DDX51: variants seen among roughly 807,000 people sequenced by gnomAD.
The protein encoded by DDX51 is DEAD-box helicase 51.
DDX51 carries 67 observed loss-of-function variants against 74.6 expected under a neutral mutation model. The ratio of observed to expected loss-of-function variants is 0.90; its 90% CI spans 0.74 to 1.10. DDX51 has a LOEUF of 1.10. Ranked by LOEUF, DDX51 falls within the 50% of genes least tolerant of loss-of-function variation. DDX51 has a pLI of 0.00. For missense variants in DDX51, 1,056 were observed against 905.2 expected (o/e 1.17, Z -2.14); for synonymous variants, 545 against 402.9 (o/e 1.35, Z -4.22).
rs766863211 is a variant in DDX51 at position 132,142,759 on chromosome 12, C to G, written c.639G>C (p.Leu213=). 1 of 1,612,992 alleles carries G rather than the reference C, an allele frequency of 6.2e-7. No individual in the cohort carries two copies. The highest frequency in any genetic ancestry group is 8.5e-7 in the Non-Finnish European group (1 of 1,179,998). The change falls in exon 3 of 15, where the codon CTG becomes CTC. Residue 213 remains leucine, a synonymous_variant. Transcript: ENST00000397333. ...PDVHPDLQKQ[L]RAHGISSYFP... Reference sequence around the variant, plus strand: ...AGTAGGACGAGATGCCGTGTGCCCGCAGCTGCTTCTGCAGGTCAGGATGGA... The same window carrying G: ...AGTAGGACGAGATGCCGTGTGCCCGGAGCTGCTTCTGCAGGTCAGGATGGA...
intron 14 of DDX51, 54 bp downstream of exon 14, chr12:132,139,581 C>G (rs1804635989): frequency 1.2e-6 from 2 of 1,612,890 alleles, no homozygotes; most frequent in South Asian, 2.2e-5. Flanking sequence ...TGACGACGCC[C>G]TCTCTGCAAA....
intron 2 of DDX51, chr12:132,143,439 G>A: frequency 1.7e-6 from 1 of 573,392 alleles, no homozygotes; most frequent in Non-Finnish European, 3.0e-6. Context: ...AGGAAACCCC[G>A]CACGTTCACG....
At chr12:132,140,043 G>C in intron 12 of DDX51, 55 bp downstream of exon 12, 1 of 1,605,214 alleles carries the variant, frequency 6.2e-7, no homozygotes. Flanking sequence ...CCACATCAAC[G>C]CCCAGGAGCT....
rs763467076 is a variant in DDX51, at chr12:132,141,321, A to T, written c.1204T>A (p.Cys402Ser). ...AFQSEDPADP[C>S]ALLQRRQAQA... ...GCCTGCCTTCGCTGGAGCAGGGCACAGGGGTCCGCGGGGTCCTCGCTCTGG... is the reference window on the plus strand; with the variant it reads ...GCCTGCCTTCGCTGGAGCAGGGCACTGGGGTCCGCGGGGTCCTCGCTCTGG... Residue 402 changes from cysteine (C) to serine (S), a missense_variant, in exon 8 of 15, where the codon TGT becomes AGT. Physicochemically the swap from Cys to Ser is moderately radical, Grantham distance 112. Transcript: ENST00000397333. The T allele has an allele frequency of 5.0e-6, 8 of 1,598,806 alleles. No homozygotes were observed. In the South Asian group the frequency reaches 8.8e-5, roughly 18 times the overall value.
rs956918794 is a variant in DDX51, at chr12:132,142,587, A to C, written c.670+141T>G. ...AGGAACGCCAGCCTCAGGAGACCCA[A>C]GTGGGAACCATGAGCTTGAGAGTGC... On this transcript the variant is annotated intron_variant, in intron 3 of 14. Coordinates refer to ENST00000397333, the MANE Select transcript of DDX51 (RefSeq NM_175066.4). The C allele has an allele frequency of 2.2e-5, 32 of 1,470,506 alleles. 1 individual carries two copies. The highest frequency in any genetic ancestry group is 4.9e-4 in the Middle Eastern group (2 of 4,074). The allele number at this position is 1,470,506 out of a possible 1,614,324, so 91.1% of individuals were successfully genotyped here.
At chr12:132,139,520 C>T in intron 14 of DDX51, 115 bp downstream of exon 14, 1 of 1,594,752 alleles carries the variant, frequency 6.3e-7, no homozygotes, top group East Asian at 2.2e-5. Context: ...CCTGTGTGAC[C>T]CTCTGTTGCC....
intron 2 of DDX51, 49 bp from the exon 3 acceptor site, chr12:132,142,927 G>T (rs1043914793): frequency 6.2e-7 from 1 of 1,607,560 alleles, no homozygotes; most frequent in Non-Finnish European, 8.5e-7. Context: ...CCAGGCTCTC[G>T]CGCAGAAGCC....
In DDX51 at chr12:132,140,739, C is replaced by T; in HGVS notation, c.1441-4G>A. 1 of 1,613,092 alleles carries T rather than the reference C, an allele frequency of 6.2e-7. No homozygotes were observed. The highest frequency in any genetic ancestry group is 1.1e-5 in the South Asian group (1 of 91,084). On this transcript the variant is annotated splice_region_variant and splice_polypyrimidine_tract_variant and intron_variant, in intron 9 of 14. Transcript: ENST00000397333. ...GGCTGCAGGGCACGTAGTGGTGCTA[C>T]AGGGACGGCAGGGGGTCGGGGTGGA...
rs559632831 is a variant in DDX51, at chr12:132,139,836, A to G, written c.1839+25T>C. ...CCCTTAACACCCACCAACAGCAGAA[A>G]CTCCCAAGACCCTCGCAGCCTCACC... On this transcript the variant is annotated intron_variant, in intron 13 of 14. Transcript: ENST00000397333. 7 of 1,612,736 alleles carry G rather than the reference A, an allele frequency of 4.3e-6. No individual in the cohort carries two copies. The Admixed American group carries it at 1.2e-4, about 27-fold the overall frequency.
At chr12:132,142,990 G>A (rs1056700168) in intron 2 of DDX51, 112 bp from the exon 3 acceptor site, 2 of 1,436,518 alleles carry the variant, frequency 1.4e-6, no homozygotes, top group African/African-American at 1.4e-5. Flanking sequence ...GTCGTCTTCA[G>A]CTCCTTCTCA....
In DDX51 at chr12:132,137,091, C is replaced by G. The variant is rs2136670598; in HGVS notation, c.*2181G>C. The G allele has an allele frequency of 6.6e-6, 1 of 152,360 alleles. No homozygotes were observed. The highest frequency in any genetic ancestry group is 2.4e-5 in the African/African-American group (1 of 41,574). The allele number at this position is 152,360 out of a possible 1,614,324, so 9.4% of individuals were successfully genotyped here. A position where few individuals can be genotyped will look rare whatever the true frequency, so the allele number is the denominator to read the frequency against. On this transcript the variant is annotated 3_prime_UTR_variant, in exon 15 of 15. Transcript: ENST00000397333. ...ATAGAGAGTTTCTGTCAGACTCAGT[C>G]TGTGCTGCTCTGTGACACTTTTCTG...
intron 13 of DDX51, 31 bp downstream of exon 13, chr12:132,139,830 G>A (rs752750950): frequency 6.8e-6 from 11 of 1,612,842 alleles, no homozygotes; most frequent in Non-Finnish European, 6.8e-6. Flanking sequence ...CCCACCAACA[G>A]CAGAAACTCC....
intron 3 of DDX51, 114 bp downstream of exon 3, chr12:132,142,614 G>A: frequency 6.6e-7 from 1 of 1,508,622 alleles, no homozygotes. Flanking sequence ...TGAGAGTGCT[G>A]AGACCACACT....
In DDX51 at chr12:132,140,196, G is replaced by C. The variant is rs770881420; in HGVS notation, c.1677C>G (p.Leu559=). The C allele has an allele frequency of 6.2e-7, 1 of 1,611,894 alleles. No homozygotes were observed. The highest frequency in any genetic ancestry group is 1.1e-5 in the South Asian group (1 of 91,012). The change falls in exon 12 of 15, where the codon CTC becomes CTG. Residue 559 remains leucine, a synonymous_variant. Coordinates refer to ENST00000397333, the MANE Select transcript of DDX51 (RefSeq NM_175066.4). ...CTCGCGCGGTGGCGTCCGTGCTGAT[G>C]AGCCTGCCGGGACACGCAGCATTGT... ...KQFEQGKIQL[L]ISTDATARGI...
Position 132,141,486 on chromosome 12 carries a change from G to C in DDX51, c.1104+12C>G, listed in dbSNP as rs757166518. On this transcript the variant is annotated intron_variant, in intron 7 of 14. Transcript: ENST00000397333. ...TGAGCTCAAAGCCCAGGCCCCTGGG[G>C]CGGGGACCTACCAGGAAGCGGAGCT... 1 of 1,585,554 alleles carries C rather than the reference G, an allele frequency of 6.3e-7. No homozygotes were observed. The highest frequency in any genetic ancestry group is 1.1e-5 in the South Asian group (1 of 89,592).
rs1298718251 is a variant in DDX51 at position 132,138,043 on chromosome 12, C to T, written c.*1229G>A. On this transcript the variant is annotated 3_prime_UTR_variant, in exon 15 of 15. Transcript: ENST00000397333. ...CTTTTTCTCTCCTGGTGTGGATTTCCCACGTTTTATTCTCCATTCATCAGC... is the reference window on the plus strand; with the variant it reads ...CTTTTTCTCTCCTGGTGTGGATTTCTCACGTTTTATTCTCCATTCATCAGC... 6.6e-6 allele frequency: 1 copy of T among 152,250 alleles called. No homozygotes were observed. Among genetic ancestry groups the T allele is most frequent in the Non-Finnish European group, 1.5e-5 (1 of 68,062 alleles). 9.4% of individuals were successfully genotyped at this position (152,250 alleles called of 1,614,324 possible). A position where few individuals can be genotyped will look rare whatever the true frequency, so the allele number is the denominator to read the frequency against.
At position 132,143,280 on chromosome 12, in the gene DDX51, G is replaced by T. The variant is rs925384545; in HGVS notation, c.520-402C>A. The T allele has an allele frequency of 2.1e-4, 86 of 402,206 alleles. 1 individual carries two copies. Among genetic ancestry groups the T allele is most frequent in the South Asian group, 3.1e-4 (13 of 41,750 alleles). 24.9% of individuals were successfully genotyped at this position (402,206 alleles called of 1,614,324 possible). ...CTCCTCCACCTGCCCTACCTAAGGT[G>T]CCCGAGCACTCTGTCAAACTTCTCG... On this transcript the variant is annotated intron_variant, in intron 2 of 14. Coordinates refer to ENST00000397333, the MANE Select transcript of DDX51 (RefSeq NM_175066.4).
rs1213789090 is a variant in DDX51 at position 132,137,730 on chromosome 12, T to A, written c.*1542A>T. On this transcript the variant is annotated 3_prime_UTR_variant, in exon 15 of 15. Coordinates refer to ENST00000397333, the MANE Select transcript of DDX51 (RefSeq NM_175066.4). The stretch of plus-strand genomic sequence containing the variant: ...CATCCACCTTTTTCAAACAAAGCAC[T>A]GGACTGAGAGAATTCACACACTGTA... The A allele has an allele frequency of 6.6e-6, 1 of 152,236 alleles. No homozygotes were observed. The highest frequency in any genetic ancestry group is 1.5e-5 in the Non-Finnish European group (1 of 68,052). The allele number at this position is 152,236 out of a possible 1,614,324, so 9.4% of individuals were successfully genotyped here. A position where few individuals can be genotyped will look rare whatever the true frequency, so the allele number is the denominator to read the frequency against.
intron 9 of DDX51, 33 bp from the exon 10 acceptor site, chr12:132,140,768 G>C: frequency 6.2e-7 from 1 of 1,613,006 alleles, no homozygotes; most frequent in Non-Finnish European, 8.5e-7. Context: ...GGGTGGAGGT[G>C]AGGGTTGGTT....
Sources: gnomAD v4.1 joint callset for allele counts on GRCh38, gnomAD v4.1.1 for gene constraint, MANE v1.5 for transcripts, NCBI Gene and HGNC (gene_info 2026-07-23, HGNC 2026-07-21) for gene names.